Variants in DEDD2 observed in about 807,000 individuals in gnomAD.
DEDD2 encodes the protein DNA-binding death effector domain-containing protein 2.
In DEDD2, 18 loss-of-function variants were observed where a neutral mutation model predicts 28.9. The ratio of observed to expected loss-of-function variants is 0.62; its 90% CI spans 0.43 to 0.92. The LOEUF is 0.92. Among genes scored for constraint, DEDD2 ranks in the 40% least tolerant of loss-of-function variants. The pLI is 0.00. For missense variants in DEDD2, 411 were observed against 463.3 expected (o/e 0.89, Z 1.04); for synonymous variants, 211 against 206.1 (o/e 1.02, Z -0.20).
In DEDD2 at chr19:42,215,144, T is replaced by C; in HGVS notation, c.437A>G (p.Gln146Arg). 6.2e-7 allele frequency: 1 copy of C among 1,614,076 alleles called. No homozygotes were observed. The part of the protein sequence containing the change: ...SSSSANSQQG[Q>R]WETGSPPTKR... ...CCAGCTGGGCTCACCTGTCTCCCAC[T>C]GACCCTGCTGAGAATTTGCAGAACT... The change falls in exon 3 of 5, where the codon CAG becomes CGG. Residue 146 changes from glutamine (Q) to arginine (R), a missense_variant. Around this residue, in one of 2 missense-constraint regions of DEDD2, gnomAD observed 282 missense variants for 273.4 expected, o/e 1.03. Coordinates refer to ENST00000596251, the MANE Select transcript of DEDD2 (RefSeq NM_133328.4).
intron 2 of DEDD2, among the ~76,000 whole-genome samples, 192 bp from the exon 3 acceptor site, chr19:42,215,444 C>T (rs973555655): frequency 2.6e-5 from 4 of 152,212 alleles, no homozygotes; most frequent in Admixed American, 1.3e-4. Flanking sequence ...CGACTTGGGG[C>T]AATCTAACCC....
chr19:42,217,239 G>C (rs1274226095), intron 1 of DEDD2, among the ~76,000 whole-genome samples, 194 bp from the exon 2 acceptor site: 1 of 151,966 alleles, frequency 6.6e-6, no homozygotes, highest in Non-Finnish European at 1.5e-5. Flanking sequence ...GGACGCCGGA[G>C]CCCGCTCGGC....
At chr19:42,207,730 A>C (rs2068351554) in intron 4 of DEDD2, among the ~76,000 whole-genome samples, 1 of 152,090 alleles carries the variant, frequency 6.6e-6, no homozygotes, top group Non-Finnish European at 1.5e-5. Context: ...GATCCTAATA[A>C]AAACTGGATG....
chr19:42,215,201 T>G lies in DEDD2; in HGVS notation c.380A>C (p.Glu127Ala). 1 of 1,614,100 alleles carries G rather than the reference T, an allele frequency of 6.2e-7. No homozygotes were observed. The highest frequency in any genetic ancestry group is 8.5e-7 in the Non-Finnish European group (1 of 1,180,012). Residue 127 changes from glutamate (E) to alanine (A), a missense_variant, in exon 3 of 5, where the codon GAG becomes GCG. Transcript: ENST00000596251. ...CTGCCGACGGCGACGGCAGCTACCC[T>G]CTGTCCTCTTTGAAGAGCTGGAGGT... ...YGTSSSSKRTEGSCRRRRQSS... is the reference protein window; with the variant it reads ...YGTSSSSKRTAGSCRRRRQSS...
intron 4 of DEDD2, among the ~76,000 whole-genome samples, chr19:42,201,224 ACCT>A (rs1437968422): frequency 1.3e-5 from 2 of 152,286 alleles, no homozygotes; most frequent in East Asian, 1.9e-4. Context: ...AGGTCATTTA[ACCT>A]CCTATGTCCC....
chr19:42,209,988 G>A (rs1203628104), intron 3 of DEDD2, 148 bp from the exon 4 acceptor site: 1 of 1,136,506 alleles, frequency 8.8e-7, no homozygotes. Context: ...CTGTCTAAAA[G>A]ATGAAGAGTA....
chr19:42,216,412 A>AG (rs1479290876), intron 2 of DEDD2, among the ~76,000 whole-genome samples: 1 of 152,228 alleles, frequency 6.6e-6, no homozygotes, highest in African/African-American at 2.4e-5. Flanking sequence ...ATAAGGCACT[A>AG]GTTCATATGA....
At chr19:42,219,165 G>A (rs1018419853), upstream of DEDD2, among the ~76,000 whole-genome samples, 5 of 152,070 alleles carry the variant, frequency 3.3e-5, no homozygotes, top group Admixed American at 2.6e-4. Flanking sequence ...TTAGCCGGGC[G>A]TGCTGACGCA....
chr19:42,203,492 G>A (rs945906235), intron 4 of DEDD2, among the ~76,000 whole-genome samples: 1 of 152,186 alleles, frequency 6.6e-6, no homozygotes, highest in Non-Finnish European at 1.5e-5. Flanking sequence ...AACGTGGAGG[G>A]GAGAAGGGCG....
intron 2 of DEDD2, 52 bp from the exon 3 acceptor site, chr19:42,215,304 C>T (rs781312335): frequency 5.4e-5 from 86 of 1,603,466 alleles, no homozygotes; most frequent in Admixed American, 3.5e-4. Context: ...GCCCTAATTC[C>T]CACCCCTGGA....
chr19:42,207,055 C>G (rs2035562245), intron 4 of DEDD2, among the ~76,000 whole-genome samples: 1 of 152,158 alleles, frequency 6.6e-6, no homozygotes, highest in African/African-American at 2.4e-5. Flanking sequence ...TCCTATCTTC[C>G]TTGAGGCAAT....
intron 4 of DEDD2, chr19:42,204,522 A>G (rs1241730094): frequency 6.5e-6 from 1 of 154,488 alleles, no homozygotes; most frequent in Non-Finnish European, 1.4e-5. Flanking sequence ...GGAGGTCCTC[A>G]ACAGAAGCAG....
In DEDD2 at chr19:42,199,445, G is replaced by T; in HGVS notation, c.974C>A (p.Ala325Asp). 1 of 1,602,114 alleles carries T rather than the reference G, an allele frequency of 6.2e-7. No individual in the cohort carries two copies. Among genetic ancestry groups the T allele is most frequent in the African/African-American group, 1.3e-5 (1 of 74,748 alleles). ...EEEGGRRPTE[A>D]S ...AATCCTGCCAGTCCTGGATCAGGAG[G>T]CCTCTGTCGGGCGCCGCCCCCCTTC... is the stretch of plus-strand genomic sequence containing the variant. The change falls in exon 5 of 5, where the codon GCC becomes GAC. Residue 325 changes from alanine (A) to aspartate (D), a missense_variant. Physicochemically the swap from Ala to Asp is moderately radical, Grantham distance 126 (BLOSUM62 -2). Coordinates refer to ENST00000596251, the MANE Select transcript of DEDD2 (RefSeq NM_133328.4). The surrounding 1 kb of genome is among the most constrained non-coding windows in gnomAD (Gnocchi z 7.4).
intron 4 of DEDD2, among the ~76,000 whole-genome samples, chr19:42,202,755 C>T (rs762602325): frequency 6.6e-6 from 1 of 152,184 alleles, no homozygotes; most frequent in Non-Finnish European, 1.5e-5. Flanking sequence ...TTCACCAGCC[C>T]CATTTACAGA....
chr19:42,199,823 C>T lies in DEDD2; in HGVS notation c.596G>A (p.Arg199Gln). 3 of 1,589,402 alleles carry T rather than the reference C, an allele frequency of 1.9e-6. No individual in the cohort carries two copies. The highest frequency in any genetic ancestry group is 1.7e-6 in the Non-Finnish European group (2 of 1,167,410). ...SSEGKVTCDI[R>Q]LRVRAEYCEH... is the part of the protein sequence containing the mutation. Reference sequence around the variant, plus strand: ...GCAGTACTCTGCTCGAACCCGGAGCCGGATGTCTGCAGGGGAAGGAGGGAT... The same window carrying T: ...GCAGTACTCTGCTCGAACCCGGAGCTGGATGTCTGCAGGGGAAGGAGGGAT... Residue 199 changes from arginine (R) to glutamine (Q), a missense_variant, in exon 5 of 5, where the codon CGG (arginine) becomes CAG (glutamine). Physicochemically the swap from Arg to Gln is conservative, Grantham distance 43. Transcript: ENST00000596251. The surrounding 1 kb of genome is among the most constrained non-coding windows in gnomAD (Gnocchi z 7.4).
intron 1 of DEDD2, 131 bp from the exon 2 acceptor site, chr19:42,217,176 C>T (rs2146914581): frequency 4.5e-6 from 3 of 672,654 alleles, no homozygotes; most frequent in African/African-American, 1.8e-5. Flanking sequence ...GCCTCGGCCT[C>T]CCCCTCCCCC....
chr19:42,211,007 C>A (rs865862932), intron 3 of DEDD2, among the ~76,000 whole-genome samples: 2 of 148,214 alleles, frequency 1.3e-5, no homozygotes, highest in South Asian at 2.1e-4. Flanking sequence ...GAGCTGGAGG[C>A]TGCAGTGAGC....
intron 3 of DEDD2, 99 bp downstream of exon 3, chr19:42,215,034 G>GAA: frequency 6.7e-7 from 1 of 1,494,136 alleles, no homozygotes. Flanking sequence ...CACACACAGT[G>GAA]AAAATGAGAC....
At chr19:42,215,372 C>T in intron 2 of DEDD2, 120 bp from the exon 3 acceptor site, 3 of 1,282,350 alleles carry the variant, frequency 2.3e-6, no homozygotes. Context: ...CAAATACCCA[C>T]TCATTCTCAA....
Sources: allele counts gnomAD v4.1 joint callset (sites outside exome capture counted in the v4.1 genomes callset), GRCh38; gene constraint gnomAD v4.1.1; regional missense constraint gnomAD v4.1.1; non-coding constraint Gnocchi (gnomAD v3.1); transcripts MANE v1.5; gene names NCBI Gene and HGNC (gene_info 2026-07-23, HGNC 2026-07-21).